The following HSD17B11 variants were observed in gnomAD, a reference collection of about 807,000 sequenced individuals.
The protein encoded by HSD17B11 is estradiol 17-beta-dehydrogenase 11.
In HSD17B11, 22 loss-of-function variants were observed where a neutral mutation model predicts 27.8. The observed-to-expected ratio is 0.79, with a 90% CI of 0.56 to 1.13. HSD17B11 has a LOEUF of 1.13. Ranked by LOEUF, HSD17B11 falls within the 50% of genes most tolerant of loss-of-function variation. The pLI is 0.00. For missense variants in HSD17B11, 314 were observed against 351.1 expected, an observed-to-expected ratio of 0.89 and a Z score of 0.84; for synonymous variants, 117 against 132.8, an observed-to-expected ratio of 0.88 and a Z score of 0.82.
intron 5 of HSD17B11, among the ~76,000 whole-genome samples, chr4:87,355,534 A>C (rs1000616748): frequency 6.6e-6 from 1 of 152,020 alleles, no homozygotes; most frequent in Non-Finnish European, 1.5e-5. Flanking sequence ...GAAAAAAAAA[A>C]CATATGCAAC....
intron 5 of HSD17B11, among the ~76,000 whole-genome samples, chr4:87,356,821 G>C (rs911713318): frequency 3.3e-5 from 5 of 152,120 alleles, no homozygotes; most frequent in Admixed American, 2.0e-4. Flanking sequence ...CAAGGGAAGT[G>C]TTTTTCACAT....
intron 4 of HSD17B11, among the ~76,000 whole-genome samples, chr4:87,359,511 G>A (rs1735466137): frequency 6.6e-6 from 1 of 152,086 alleles, no homozygotes; most frequent in South Asian, 2.1e-4. Context: ...ACAGGCATGT[G>A]CCACAACACT....
At chr4:87,387,297 A>C (rs1159006052) in intron 1 of HSD17B11, 1 of 152,216 alleles carries the variant, frequency 6.6e-6, no homozygotes, top group Non-Finnish European at 1.5e-5. Flanking sequence ...ACCACCATTA[A>C]TTCTTCCCTA....
At chr4:87,379,645 G>A (rs1206177990) in intron 2 of HSD17B11, among the ~76,000 whole-genome samples, 3 of 143,694 alleles carry the variant, frequency 2.1e-5, no homozygotes, top group Admixed American at 7.1e-5. Context: ...CATATTATAT[G>A]TATATGTATG....
intron 5 of HSD17B11, among the ~76,000 whole-genome samples, chr4:87,343,705 G>A (rs1285108727): frequency 6.6e-6 from 1 of 151,898 alleles, no homozygotes; most frequent in African/African-American, 2.4e-5. Flanking sequence ...GTGCCACCAC[G>A]CCTGGCTAAT....
chr4:87,379,806 T>C (rs1349801813), intron 2 of HSD17B11, among the ~76,000 whole-genome samples: 2 of 144,062 alleles, frequency 1.4e-5, no homozygotes, highest in Admixed American at 7.1e-5. Context: ...TAATATACTA[T>C]AGTATTATAG....
intron 2 of HSD17B11, among the ~76,000 whole-genome samples, chr4:87,375,047 C>T (rs1253365073): frequency 6.6e-6 from 1 of 152,074 alleles, no homozygotes; most frequent in Admixed American, 6.5e-5. Flanking sequence ...GCTCATGCAA[C>T]CACGCCACAC....
Position 87,390,940 on chromosome 4 carries a change from G to T in HSD17B11, c.131C>A (p.Ala44Asp). The T allele has an allele frequency of 1.2e-6, 2 of 1,614,100 alleles. No homozygotes were observed. The highest frequency in any genetic ancestry group is 1.7e-6 in the Non-Finnish European group (2 of 1,180,020). The stretch of plus-strand genomic sequence containing the variant: ...AGTCAGTCTCCCAATTCCATGCCCA[G>T]CTCCTGTAATCAGCACGATTTCGCC... ...VTGEIVLITG[A>D]GHGIGRLTAY... is the part of the protein sequence containing the mutation. Residue 44 changes from alanine to aspartate, a missense_variant, in exon 1 of 7, where the codon GCT (alanine) becomes GAT (aspartate). Coordinates refer to ENST00000358290, the MANE Select transcript of HSD17B11 (RefSeq NM_016245.5).
intron 5 of HSD17B11, among the ~76,000 whole-genome samples, chr4:87,347,007 T>C (rs1283618794): frequency 6.6e-6 from 1 of 151,820 alleles, no homozygotes; most frequent in Non-Finnish European, 1.5e-5. Flanking sequence ...CAGATTATGC[T>C]GTATTATACC....
Position 87,380,863 on chromosome 4 carries a change from C to CAAAAAAAAAAA in HSD17B11, c.318+1381_318+1391dup, listed in dbSNP as rs561938045. Among the ~76,000 whole-genome samples the CAAAAAAAAAAA allele has an allele frequency of 5.8e-4, 43 of 74,724 alleles. 1 individual carries two copies. The highest frequency in any genetic ancestry group is 1.8e-3 in the African/African-American group (33 of 18,474). 49.0% of individuals were successfully genotyped at this position (74,724 alleles called of 152,430 possible). ...ACAAAGCTAGAGCTAGACTCTATCT[C>CAAAAAAAAAAA]AAAAAAAAAAAAAAAAAAAAAAAAA... On this transcript the variant is annotated intron_variant, in intron 2 of 6. Transcript: ENST00000358290.
chr4:87,386,125 C>T (rs6833678), intron 1 of HSD17B11, among the ~76,000 whole-genome samples: 51,141 of 151,622 alleles, frequency 0.34, 9,492 homozygotes, highest in African/African-American at 0.47. Context: ...CTTTCACATC[C>T]GCTGTCTCAC....
intron 4 of HSD17B11, among the ~76,000 whole-genome samples, chr4:87,371,791 T>C (rs1210378368): frequency 1.3e-5 from 2 of 152,170 alleles, no homozygotes; most frequent in African/African-American, 2.4e-5. Flanking sequence ...GATCACAGAC[T>C]GTAGTAGTTC....
intron 5 of HSD17B11, among the ~76,000 whole-genome samples, chr4:87,356,776 G>A (rs1735395173): frequency 6.6e-6 from 1 of 152,068 alleles, no homozygotes; most frequent in Admixed American, 6.6e-5. Context: ...GTATGATCTG[G>A]TACTCCTTTC....
At chr4:87,388,344 C>T (rs1369684660) in intron 1 of HSD17B11, among the ~76,000 whole-genome samples, 1 of 152,216 alleles carries the variant, frequency 6.6e-6, no homozygotes, top group Non-Finnish European at 1.5e-5. Flanking sequence ...TCAAATCAGA[C>T]TGGCCACATT....
chr4:87,378,063 C>G (rs1387635226), intron 2 of HSD17B11, among the ~76,000 whole-genome samples: 1 of 152,128 alleles, frequency 6.6e-6, no homozygotes, highest in Non-Finnish European at 1.5e-5. Context: ...CCACCCCAAA[C>G]AGAAAGGAGG....
At chr4:87,384,914 C>T (rs749336689) in intron 1 of HSD17B11, among the ~76,000 whole-genome samples, 1 of 152,066 alleles carries the variant, frequency 6.6e-6, no homozygotes, top group Non-Finnish European at 1.5e-5. Context: ...GGTTTTGAGG[C>T]TCAGGGGCAT....
At chr4:87,341,391 T>C (rs181089434) in intron 5 of HSD17B11, among the ~76,000 whole-genome samples, 5 of 152,282 alleles carry the variant, frequency 3.3e-5, no homozygotes, top group African/African-American at 1.2e-4. Flanking sequence ...AGGCTGGTCT[T>C]GAACTCCTGG....
At chr4:87,341,926 G>A (rs2110112354) in intron 5 of HSD17B11, among the ~76,000 whole-genome samples, 1 of 152,256 alleles carries the variant, frequency 6.6e-6, no homozygotes, top group Non-Finnish European at 1.5e-5. Context: ...TGCAATTAGA[G>A]AGGAGCTGCA....
chr4:87,340,061 A>C (rs1192739227), intron 6 of HSD17B11, among the ~76,000 whole-genome samples: 1 of 150,314 alleles, frequency 6.7e-6, no homozygotes, highest in East Asian at 1.9e-4. Context: ...AATTATAAAA[A>C]AAAATTTAGC....
Sources: gnomAD v4.1 joint callset for allele counts (sites outside exome capture counted in the v4.1 genomes callset) on GRCh38, gnomAD v4.1.1 for gene constraint, MANE v1.5 for transcripts, NCBI Gene and HGNC (gene_info 2026-07-23, HGNC 2026-07-21) for gene names.